Variants in PTPRD observed in about 807,000 individuals in gnomAD.
PTPRD encodes the protein receptor-type tyrosine-protein phosphatase delta.
A neutral mutation model predicts 214.5 loss-of-function variants in PTPRD; 34 were observed. The ratio of observed to expected loss-of-function variants is 0.16; its 90% CI spans 0.12 to 0.21. The LOEUF is 0.21. Among genes scored for constraint, PTPRD ranks in the 10% least tolerant of loss-of-function variants. The pLI, the probability that PTPRD is intolerant of heterozygous loss-of-function variation, is 1.00. For missense variants in PTPRD, 2,545 were observed against 2,398.7 expected, an observed-to-expected ratio of 1.06 and a Z score of -1.27; for synonymous variants, 1,128 against 845.7, an observed-to-expected ratio of 1.33 and a Z score of -5.79.
At chr9:9,125,747 A>G (rs1181727626) in intron 10 of PTPRD, among the ~76,000 whole-genome samples, 1 of 152,222 alleles carries the variant, frequency 6.6e-6, no homozygotes, top group African/African-American at 2.4e-5. Context: ...GCAGAAATAA[A>G]AAATCCATGC....
At chr9:9,177,233 T>C (rs1174554809) in intron 10 of PTPRD, among the ~76,000 whole-genome samples, 1 of 151,760 alleles carries the variant, frequency 6.6e-6, no homozygotes, top group African/African-American at 2.4e-5. Context: ...AACCATCAGA[T>C]CTCATGAGAA....
intron 2 of PTPRD, among the ~76,000 whole-genome samples, chr9:10,533,286 T>C (rs573800671): frequency 4.6e-5 from 7 of 152,232 alleles, no homozygotes; most frequent in Non-Finnish European, 7.4e-5. Context: ...TCACCTGGTC[T>C]CAGGAATTCT....
At chr9:8,583,892 C>T (rs943697441) in intron 14 of PTPRD, among the ~76,000 whole-genome samples, 4 of 152,204 alleles carry the variant, frequency 2.6e-5, no homozygotes, top group Non-Finnish European at 5.9e-5. Context: ...TGGCTCATGC[C>T]TGTAATCTCA....
intron 2 of PTPRD, among the ~76,000 whole-genome samples, chr9:10,561,791 C>G (rs759464619): frequency 1.3e-5 from 2 of 152,130 alleles, no homozygotes; most frequent in African/African-American, 2.4e-5. Context: ...CATGATCCAT[C>G]AGCACTTCAG....
intron 3 of PTPRD, among the ~76,000 whole-genome samples, chr9:10,181,977 T>TGG (rs2099294260): frequency 7.4e-6 from 1 of 134,506 alleles, no homozygotes. Context: ...AAGGAATGGC[T>TGG]GGGTGCAGTG....
At chr9:10,098,241 G>A (rs989936424) in intron 3 of PTPRD, among the ~76,000 whole-genome samples, 1 of 150,590 alleles carries the variant, frequency 6.6e-6, no homozygotes, top group East Asian at 2.0e-4. Flanking sequence ...ACTATCGCAA[G>A]GACAAAAAAC....
intron 3 of PTPRD, among the ~76,000 whole-genome samples, chr9:10,287,435 C>T (rs1195071272): frequency 1.3e-5 from 2 of 152,112 alleles, no homozygotes; most frequent in African/African-American, 2.4e-5. Context: ...GCATTCAGTC[C>T]CCGCATGGAG....
intron 7 of PTPRD, among the ~76,000 whole-genome samples, chr9:9,655,094 AT>A (rs1330472329): frequency 3.3e-5 from 5 of 152,080 alleles, no homozygotes; most frequent in South Asian, 2.1e-4. Context: ...TTCTAAACCT[AT>A]TTTTTTAATA....
At chr9:9,067,081 A>G (rs2099735777) in intron 10 of PTPRD, among the ~76,000 whole-genome samples, 1 of 152,106 alleles carries the variant, frequency 6.6e-6, no homozygotes, top group South Asian at 2.1e-4. Flanking sequence ...TATCTCTACT[A>G]CAAATAAAAA....
At chr9:10,190,444 G>A (rs1329373884) in intron 3 of PTPRD, among the ~76,000 whole-genome samples, 1 of 135,740 alleles carries the variant, frequency 7.4e-6, no homozygotes, top group Non-Finnish European at 1.5e-5. Context: ...TGGGCCAGGC[G>A]CTGTGGCTTA....
At chr9:8,534,225 G>T (rs148597646) in intron 14 of PTPRD, among the ~76,000 whole-genome samples, 2 of 151,724 alleles carry the variant, frequency 1.3e-5, no homozygotes, top group African/African-American at 2.4e-5. Flanking sequence ...CAGTTCCTAC[G>T]TGTCAGAAGC....
intron 2 of PTPRD, among the ~76,000 whole-genome samples, chr9:10,377,337 A>G (rs1165199358): frequency 1.3e-5 from 2 of 152,002 alleles, no homozygotes; most frequent in African/African-American, 4.8e-5. Flanking sequence ...CACGAGCACA[A>G]TATGCAGTTT....
intron 2 of PTPRD, among the ~76,000 whole-genome samples, chr9:10,461,969 TG>T (rs547869573): frequency 2.8e-3 from 429 of 151,934 alleles, no homozygotes; most frequent in Non-Finnish European, 4.7e-3. Context: ...TATATAGAGA[TG>T]GAAAATAAAA....
intron 7 of PTPRD, among the ~76,000 whole-genome samples, chr9:9,685,583 CA>C (rs1171969856): frequency 3.3e-5 from 5 of 151,040 alleles, no homozygotes; most frequent in East Asian, 1.9e-4. Flanking sequence ...ACAACCAAAT[CA>C]AAATATTCAG....
At chr9:9,710,260 G>T (rs944851859) in intron 7 of PTPRD, among the ~76,000 whole-genome samples, 1 of 151,914 alleles carries the variant, frequency 6.6e-6, no homozygotes, top group Non-Finnish European at 1.5e-5. Flanking sequence ...ATAAGACTAG[G>T]TTATTTGGCT....
chr9:8,747,953 G>A (rs994846681), intron 11 of PTPRD, among the ~76,000 whole-genome samples: 1 of 152,016 alleles, frequency 6.6e-6, no homozygotes, highest in African/African-American at 2.4e-5. Flanking sequence ...TTCCAGAATC[G>A]AAGCTGTAAT....
rs36212158 is a variant in PTPRD at position 8,373,612 on chromosome 9, GGTGTGT to G, written c.4661+2318_4661+2323del. 5.0e-3 allele frequency among the ~76,000 whole-genome samples: 711 copies of G among 141,556 alleles called. 6 individuals carry two copies. The highest frequency in any genetic ancestry group is 0.014 in the African/African-American group (531 of 37,972). 92.9% of individuals were successfully genotyped at this position (141,556 alleles called of 152,430 possible). A position where few individuals can be genotyped will look rare whatever the true frequency, so the allele number is the denominator to read the frequency against. ...GGTGGCTTAACATAACATGGATGCG[GGTGTGT>G]GTGTGTGTGTGTGTGTGTGTGTGTG... On this transcript the variant is annotated intron_variant, in intron 39 of 45. Transcript: ENST00000381196.
chr9:9,187,528 G>C (rs1281271770), intron 9 of PTPRD, among the ~76,000 whole-genome samples: 1 of 151,964 alleles, frequency 6.6e-6, no homozygotes, highest in Non-Finnish European at 1.5e-5. Flanking sequence ...TTTAAGCTTT[G>C]CTTGGCAAAC....
In PTPRD at chr9:8,882,698, G is replaced by A. The variant is rs562212785; in HGVS notation, c.-104+135999C>T. ...CCAGGAGTTTGAGACCAGCCTGGCC[G>A]ACATAGTGAAACCCCGCCTCTACTA... On this transcript the variant is annotated intron_variant, in intron 11 of 45. Transcript: ENST00000381196. Among the ~76,000 whole-genome samples, 308 of 151,818 alleles carry A rather than the reference G, an allele frequency of 2.0e-3. 2 individuals carry two copies. Among genetic ancestry groups the A allele is most frequent in the Admixed American group, 5.4e-3 (82 of 15,208 alleles).
Sources: allele counts gnomAD v4.1 joint callset (sites outside exome capture counted in the v4.1 genomes callset), GRCh38; gene constraint gnomAD v4.1.1; transcripts MANE v1.5; gene names NCBI Gene and HGNC (gene_info 2026-07-23, HGNC 2026-07-21).